Variants in ADAM32 observed in about 807,000 individuals in gnomAD.
The protein encoded by ADAM32 is ADAM metallopeptidase domain 32.
In ADAM32, 89 loss-of-function variants were observed where a neutral mutation model predicts 114.9. The ratio of observed to expected loss-of-function variants is 0.77; its 90% CI spans 0.65 to 0.92. The LOEUF (loss-of-function observed/expected upper bound fraction) is 0.92, where lower values mean the gene tolerates loss of function less well. Ranked by LOEUF, ADAM32 falls within the 40% of genes least tolerant of loss-of-function variation. ADAM32 has a pLI of 0.00. For missense variants in ADAM32, 870 were observed against 932.8 expected (o/e 0.93, Z 0.88); for synonymous variants, 285 against 307.5 (o/e 0.93, Z 0.77).
intron 1 of ADAM32, chr8:39,108,147 T>G: frequency 5.0e-4 from 110 of 221,776 alleles, no homozygotes; most frequent in Middle Eastern, 1.6e-3. Flanking sequence ...TGTTCCGAGG[T>G]GGTGGTGCGC....
intron 3 of ADAM32, among the ~76,000 whole-genome samples, chr8:39,139,624 G>A (rs895676499): frequency 6.6e-6 from 1 of 152,130 alleles, no homozygotes; most frequent in African/African-American, 2.4e-5. Context: ...CTCCAGCTTT[G>A]TTCTTTTTGC....
chr8:39,226,608 G>C (rs1809385271), intron 14 of ADAM32, among the ~76,000 whole-genome samples: 1 of 151,870 alleles, frequency 6.6e-6, no homozygotes. Context: ...TCAGTGAGGA[G>C]AGTGGAATGA....
intron 3 of ADAM32, among the ~76,000 whole-genome samples, chr8:39,143,410 T>G (rs1803298562): frequency 6.6e-6 from 1 of 152,190 alleles, no homozygotes; most frequent in Non-Finnish European, 1.5e-5. Context: ...ATGTCCTTTT[T>G]GTTTATGTTG....
intron 3 of ADAM32, among the ~76,000 whole-genome samples, chr8:39,144,165 C>G (rs921872724): frequency 6.6e-6 from 1 of 152,178 alleles, no homozygotes; most frequent in Non-Finnish European, 1.5e-5. Flanking sequence ...ATCCCCTGAC[C>G]CCTTGAGCTT....
chr8:39,245,417 T>C (rs890344598), intron 16 of ADAM32, among the ~76,000 whole-genome samples: 2 of 152,098 alleles, frequency 1.3e-5, no homozygotes, highest in African/African-American at 4.8e-5. Flanking sequence ...CTTATTCGTG[T>C]AACCAAACAC....
chr8:39,193,439 C>A (rs1023738739), intron 11 of ADAM32, among the ~76,000 whole-genome samples: 1 of 152,114 alleles, frequency 6.6e-6, no homozygotes, highest in South Asian at 2.1e-4. Context: ...GAATTGGGTT[C>A]AATGTTCTCC....
chr8:39,240,349 T>C (rs1172680500), intron 16 of ADAM32, among the ~76,000 whole-genome samples: 1 of 152,140 alleles, frequency 6.6e-6, no homozygotes, highest in African/African-American at 2.4e-5. Context: ...GTGAAATCAA[T>C]AGAAACTAAA....
At chr8:39,218,610 T>C (rs973030168) in intron 12 of ADAM32, among the ~76,000 whole-genome samples, 9 of 152,106 alleles carry the variant, frequency 5.9e-5, no homozygotes, top group Admixed American at 1.3e-4. Context: ...TTACTTTTTT[T>C]CCCATAGGCT....
intron 19 of ADAM32, among the ~76,000 whole-genome samples, chr8:39,268,343 T>C (rs1288722888): frequency 6.6e-6 from 1 of 152,226 alleles, no homozygotes; most frequent in African/African-American, 2.4e-5. Flanking sequence ...GTTAATCATG[T>C]TGACAATTGT....
chr8:39,248,592 T>A (rs1811082566), intron 17 of ADAM32, among the ~76,000 whole-genome samples: 1 of 152,188 alleles, frequency 6.6e-6, no homozygotes, highest in Non-Finnish European at 1.5e-5. Flanking sequence ...TCTTCAATTC[T>A]TTTTAGATTT....
chr8:39,147,266 T>C (rs1409444932), intron 4 of ADAM32, 61 bp downstream of exon 4: 4 of 686,538 alleles, frequency 5.8e-6, no homozygotes, highest in African/African-American at 1.8e-5. Flanking sequence ...AAATAAATGC[T>C]TTATTATACA....
intron 2 of ADAM32, chr8:39,130,761 G>A (rs1802395672): frequency 3.5e-5 from 13 of 376,666 alleles, no homozygotes; most frequent in South Asian, 2.6e-4. Context: ...ATGTACTTTT[G>A]TGACTTCAGT....
chr8:39,107,651 G>A, upstream of ADAM32: 1 of 1,498,784 alleles, frequency 6.7e-7, no homozygotes, highest in Non-Finnish European at 8.9e-7. Flanking sequence ...CCCCGTCTCC[G>A]GGGCCTCCGG....
intron 10 of ADAM32, among the ~76,000 whole-genome samples, chr8:39,171,559 C>A (rs954149171): frequency 1.3e-5 from 2 of 151,904 alleles, no homozygotes; most frequent in African/African-American, 4.8e-5. Context: ...ATAATGAATG[C>A]ACATGGTAAA....
chr8:39,238,044 T>G (rs776343407), intron 16 of ADAM32, among the ~76,000 whole-genome samples: 17 of 152,208 alleles, frequency 1.1e-4, no homozygotes, highest in Non-Finnish European at 8.8e-5. Flanking sequence ...CTAATTCCAC[T>G]GCCTACAACA....
intron 12 of ADAM32, among the ~76,000 whole-genome samples, chr8:39,216,949 T>C (rs1808611353): frequency 1.3e-5 from 2 of 152,022 alleles, no homozygotes. Context: ...GTGAGTTTTG[T>C]ACCTTCAGAT....
At chr8:39,284,687 TC>T (rs1181038105) in intron 24 of ADAM32, 105 bp from the exon 25 acceptor site, 10 of 1,239,766 alleles carry the variant, frequency 8.1e-6, no homozygotes, top group East Asian at 2.4e-5. Flanking sequence ...ATTCTTTTTT[TC>T]GTGCCACATG....
intron 10 of ADAM32, among the ~76,000 whole-genome samples, chr8:39,185,870 C>A (rs540011281): frequency 1.1e-4 from 17 of 149,600 alleles, no homozygotes; most frequent in Non-Finnish European, 2.1e-4. Context: ...TTCCAGCTAT[C>A]GTCATTAAAA....
intron 11 of ADAM32, among the ~76,000 whole-genome samples, chr8:39,199,203 T>A (rs1807214305): frequency 6.6e-6 from 1 of 152,224 alleles, no homozygotes; most frequent in Non-Finnish European, 1.5e-5. Context: ...CCTTTTTGGG[T>A]TGAACATATT....
Sources: allele counts gnomAD v4.1 joint callset (sites outside exome capture counted in the v4.1 genomes callset), GRCh38; gene constraint gnomAD v4.1.1; transcripts MANE v1.5; gene names NCBI Gene and HGNC (gene_info 2026-07-23, HGNC 2026-07-21).